Variants in PCIF1 observed in about 807,000 individuals in gnomAD.
PCIF1 encodes phosphorylated CTD interacting factor 1, also known as mRNA (2'-O-methyladenosine-N(6)-)-methyltransferase.
PCIF1 carries 12 observed loss-of-function variants against 86.9 expected under a neutral mutation model. The observed-to-expected ratio is 0.14, with a 90% confidence interval of 0.09 to 0.22. PCIF1 has a LOEUF of 0.22. Ranked by LOEUF, PCIF1 falls within the 10% of genes least tolerant of loss-of-function variation. The pLI is 1.00. For missense variants in PCIF1, 701 were observed against 951.1 expected, an observed-to-expected ratio of 0.74 and a Z score of 3.46; for synonymous variants, 397 against 372.0, an observed-to-expected ratio of 1.07 and a Z score of -0.77.
At position 45,934,685 on chromosome 20, in the gene PCIF1, G is replaced by A. The variant is rs1315210621; in HGVS notation, c.-307G>A. The A allele has an allele frequency of 5.0e-6, 2 of 398,418 alleles. No individual in the cohort carries two copies. The highest frequency in any genetic ancestry group is 2.1e-5 in the African/African-American group (1 of 48,592). The allele number at this position is 398,418 out of a possible 1,614,324, so 24.7% of individuals were successfully genotyped here. ...GGCGGTACCAGCGCATGCGCAGCGC[G>A]GAGTCCCGGCCCGGGACACAAGATG... On this transcript the variant is annotated 5_prime_UTR_variant, in exon 1 of 17. Coordinates refer to ENST00000372409, the MANE Select transcript of PCIF1 (RefSeq NM_022104.4).
In PCIF1 at chr20:45,947,049, T is replaced by TA; in HGVS notation, c.1614-23dup. The stretch of plus-strand genomic sequence containing the variant: ...TGAGGGACTGGGTCCTGATGGGACT[T>TA]AGAATGCTCACTCCTGTCCCCAGGC... On this transcript the variant is annotated intron_variant, in intron 14 of 16. Coordinates refer to ENST00000372409, the MANE Select transcript of PCIF1 (RefSeq NM_022104.4). The surrounding 1 kb of genome is among the most constrained non-coding windows in gnomAD (Gnocchi z 5.4). 1 of 1,582,866 alleles carries TA rather than the reference T, an allele frequency of 6.3e-7. No individual in the cohort carries two copies. The highest frequency in any genetic ancestry group is 8.6e-7 in the Non-Finnish European group (1 of 1,157,532).
At chr20:45,944,775 AC>A in intron 10 of PCIF1, 92 bp from the exon 11 acceptor site, 1 of 1,364,264 alleles carries the variant, frequency 7.3e-7, no homozygotes. Flanking sequence ...CAAAACAAGG[AC>A]TGCTGGACTC....
chr20:45,938,008 G>C (rs1452435639), intron 2 of PCIF1: 2 of 154,818 alleles, frequency 1.3e-5, no homozygotes, highest in Non-Finnish European at 2.9e-5. Context: ...TCTTGTTGTG[G>C]GCAAAAGTTT....
In PCIF1 at chr20:45,943,293, C is replaced by T; in HGVS notation, c.822-47C>T. 3.7e-6 allele frequency: 6 copies of T among 1,613,850 alleles called. No individual in the cohort carries two copies. The highest frequency in any genetic ancestry group is 5.1e-6 in the Non-Finnish European group (6 of 1,179,740). ...ACCCTGGGCCATTTGGTTTCTGTGCCCAGTCATGTATAGAAGGCCTCTAAC... is the reference window on the plus strand; with the variant it reads ...ACCCTGGGCCATTTGGTTTCTGTGCTCAGTCATGTATAGAAGGCCTCTAAC... On this transcript the variant is annotated intron_variant, in intron 8 of 16. Coordinates refer to ENST00000372409, the MANE Select transcript of PCIF1 (RefSeq NM_022104.4). The surrounding 1 kb of genome is among the most constrained non-coding windows in gnomAD (Gnocchi z 5.5).
At position 45,943,646 on chromosome 20, in the gene PCIF1, G is replaced by T; in HGVS notation, c.906-20G>T. On this transcript the variant is annotated intron_variant, in intron 9 of 16. Transcript: ENST00000372409. This position sits in a 1 kb window ranked among gnomAD's most constrained non-coding sequence, Gnocchi z 5.5. The stretch of plus-strand genomic sequence containing the variant: ...TGGAGCCAAGCCATTCCTTTCTTCT[G>T]CCCTCCCCTTGACTGGCAGGAGTGC... 1 of 1,551,378 alleles carries T rather than the reference G, an allele frequency of 6.4e-7. No individual in the cohort carries two copies. Among genetic ancestry groups the T allele is most frequent in the Non-Finnish European group, 8.7e-7 (1 of 1,145,642 alleles).
At chr20:45,941,357 C>T (rs891589076) in intron 7 of PCIF1, 150 bp downstream of exon 7, 3 of 892,380 alleles carry the variant, frequency 3.4e-6, no homozygotes, top group African/African-American at 3.4e-5. Flanking sequence ...CAGAGCAAGA[C>T]CCTCTTTCAA....
At chr20:45,946,985 G>A in intron 14 of PCIF1, 88 bp from the exon 15 acceptor site, 1 of 1,108,482 alleles carries the variant, frequency 9.0e-7, no homozygotes, top group Non-Finnish European at 1.3e-6. Context: ...TCTCTTCAGT[G>A]TGGCTGCCTA....
intron 10 of PCIF1, among the ~76,000 whole-genome samples, chr20:45,944,347 C>T (rs2145335370): frequency 1.3e-5 from 2 of 152,310 alleles, no homozygotes; most frequent in Middle Eastern, 6.8e-3. Context: ...GCCAGAGTGA[C>T]TCATTCTCAC....
At chr20:45,941,326 A>G (rs2083468005) in intron 7 of PCIF1, 119 bp downstream of exon 7, 1 of 1,177,178 alleles carries the variant, frequency 8.5e-7, no homozygotes, top group Admixed American at 2.4e-5. Flanking sequence ...TGATCACACC[A>G]GTGCACTCCA....
chr20:45,934,989 GGCCCGGAGA>G (rs2083404778), intron 1 of PCIF1, among the ~76,000 whole-genome samples, 185 bp downstream of exon 1: 1 of 152,002 alleles, frequency 6.6e-6, no homozygotes, highest in East Asian at 1.9e-4. Flanking sequence ...GAGGGAGGTG[GGCCCGGAGA>G]GCCCCAGCGG....
At chr20:45,936,378 A>T (rs1416552348) in intron 1 of PCIF1, among the ~76,000 whole-genome samples, 1 of 134,052 alleles carries the variant, frequency 7.5e-6, no homozygotes, top group African/African-American at 2.8e-5. Context: ...TTTAGTAGAG[A>T]CGGGGTTTCA....
At position 45,940,573 on chromosome 20, in the gene PCIF1, G is replaced by C; in HGVS notation, c.348G>C (p.Ser116=). 1.2e-6 allele frequency: 2 copies of C among 1,610,148 alleles called. No homozygotes were observed. The highest frequency in any genetic ancestry group is 1.7e-6 in the Non-Finnish European group (2 of 1,178,186). The change falls in exon 5 of 17, where the codon TCG becomes TCC. Residue 116 remains serine, a synonymous_variant. Coordinates refer to ENST00000372409, the MANE Select transcript of PCIF1 (RefSeq NM_022104.4). The part of the protein sequence containing the change: ...AENKPRKRQL[S]EEQPSGNGVK... ...ACAAGCCCAGAAAGCGGCAGCTCTC[G>C]GAAGAGCAGCCAAGCGGCAATGGTG...
chr20:45,939,148 G>T (rs2083449089), intron 3 of PCIF1, 25 bp downstream of exon 3: 2 of 1,613,994 alleles, frequency 1.2e-6, no homozygotes, highest in Admixed American at 1.7e-5. Flanking sequence ...CAGTAGTGGG[G>T]TGGTGGGGTA....
In PCIF1 at chr20:45,943,789, G is replaced by A. The variant is rs939431009; in HGVS notation, c.1005+24G>A. The A allele has an allele frequency of 1.8e-5, 28 of 1,544,428 alleles. No individual in the cohort carries two copies. Among genetic ancestry groups the A allele is most frequent in the Non-Finnish European group, 2.3e-5 (26 of 1,141,506 alleles). ...TGGTGAGTGGGTCCCCGGGTGAGAA[G>A]GCCAGTTTTAGGGCTCTGTGGCCAC... On this transcript the variant is annotated intron_variant, in intron 10 of 16. Coordinates refer to ENST00000372409, the MANE Select transcript of PCIF1 (RefSeq NM_022104.4). This position sits in a 1 kb window ranked among gnomAD's most constrained non-coding sequence, Gnocchi z 5.5.
intron 14 of PCIF1, among the ~76,000 whole-genome samples, chr20:45,946,640 C>T (rs1183206486): frequency 1.3e-5 from 2 of 152,304 alleles, no homozygotes; most frequent in African/African-American, 2.4e-5. Flanking sequence ...AATAGGAACA[C>T]GTGGTCCCAG....
Position 45,944,894 on chromosome 20 carries a change from G to C in PCIF1, c.1032G>C (p.Gln344His). 6.2e-7 allele frequency: 1 copy of C among 1,614,006 alleles called. No individual in the cohort carries two copies. Among genetic ancestry groups the C allele is most frequent in the African/African-American group, 1.3e-5 (1 of 75,070 alleles). The change falls in exon 11 of 17, where the codon CAG becomes CAC. Residue 344 changes from glutamine to histidine, a missense_variant. By Grantham distance (24) the Gln-to-His change is conservative. Around this residue, in one of 7 missense-constraint regions of PCIF1, gnomAD observed 129 missense variants for 245.9 expected, o/e 0.52. Coordinates refer to ENST00000372409, the MANE Select transcript of PCIF1 (RefSeq NM_022104.4). ...YMDRLEHLRR[Q>H]CGPHVSAAAK... ...ATCGCCTGGAGCATCTGCGGAGGCAGTGTGGCCCCCACGTCTCGGCCGCAG... is the reference window on the plus strand; with the variant it reads ...ATCGCCTGGAGCATCTGCGGAGGCACTGTGGCCCCCACGTCTCGGCCGCAG...
rs1021710684 is a variant in PCIF1 at position 45,934,737 on chromosome 20, G to A, written c.-255G>A. On this transcript the variant is annotated 5_prime_UTR_variant, in exon 1 of 17. Transcript: ENST00000372409. ...CGGCAGCGGCGCTGGGGAGGGCGAG[G>A]CGGAGGCGGCAAAACGGGCGGTCGA... is the stretch of plus-strand genomic sequence containing the variant. 4.3e-5 allele frequency: 17 copies of A among 398,992 alleles called. No individual in the cohort carries two copies. Among genetic ancestry groups the A allele is most frequent in the Admixed American group, 1.3e-4 (3 of 22,736 alleles). The allele number at this position is 398,992 out of a possible 1,614,324, so 24.7% of individuals were successfully genotyped here. A position where few individuals can be genotyped will look rare whatever the true frequency, so the allele number is the denominator to read the frequency against.
intron 10 of PCIF1, among the ~76,000 whole-genome samples, chr20:45,944,107 G>T (rs939317755): frequency 6.6e-6 from 1 of 152,014 alleles, no homozygotes; most frequent in East Asian, 1.9e-4. Context: ...TTGGGTGTGT[G>T]TGTTCATATC....
intron 4 of PCIF1, 78 bp from the exon 5 acceptor site, chr20:45,940,397 G>A: frequency 6.8e-7 from 1 of 1,464,836 alleles, no homozygotes; most frequent in African/African-American, 1.4e-5. Flanking sequence ...GCAGGGGTGG[G>A]AGGGCGTGAG....
Sources: allele counts gnomAD v4.1 joint callset (sites outside exome capture counted in the v4.1 genomes callset), GRCh38; gene constraint gnomAD v4.1.1; regional missense constraint gnomAD v4.1.1; non-coding constraint Gnocchi (gnomAD v3.1); transcripts MANE v1.5; gene names NCBI Gene and HGNC (gene_info 2026-07-23, HGNC 2026-07-21).